Variants in NUP85 observed in about 807,000 individuals in gnomAD.
The protein encoded by NUP85 is nucleoporin 85.
NUP85 carries 23 observed loss-of-function variants against 92.8 expected under a neutral mutation model. That is an observed-to-expected ratio of 0.25 (90% CI 0.18 to 0.35). The LOEUF (loss-of-function observed/expected upper bound fraction) is 0.35, where lower values mean the gene tolerates loss of function less well. Among genes scored for constraint, NUP85 ranks in the 10% least tolerant of loss-of-function variants. The probability of loss-of-function intolerance (pLI) is 1.00; values close to 1 mark genes in which losing one functional copy is unlikely to be tolerated. For missense variants in NUP85, 759 were observed against 822.8 expected, an observed-to-expected ratio of 0.92 and a Z score of 0.95; for synonymous variants, 314 against 306.9, an observed-to-expected ratio of 1.02 and a Z score of -0.24.
intron 1 of NUP85, among the ~76,000 whole-genome samples, chr17:75,207,859 G>A (rs977905387): frequency 2.6e-5 from 4 of 151,894 alleles, no homozygotes; most frequent in Admixed American, 6.6e-5. Context: ...GTTTGGTGGC[G>A]CGTGCCTGTA....
Position 75,233,424 on chromosome 17 carries a change from T to C in NUP85, c.1615+266T>C, listed in dbSNP as rs543759482. Among the ~76,000 whole-genome samples the C allele has an allele frequency of 3.9e-3, 445 of 113,490 alleles. 2 individuals are homozygous for C. Among genetic ancestry groups the C allele is most frequent in the African/African-American group, 0.014 (419 of 29,174 alleles). 74.5% of individuals were successfully genotyped at this position (113,490 alleles called of 152,430 possible). A position where few individuals can be genotyped will look rare whatever the true frequency, so the allele number is the denominator to read the frequency against. ...CTTTCTCTTTCTTTCTTTCTTCTTTTCTTTTATTTTTTCTTTTTTTTTTTT... is the reference window on the plus strand; with the variant it reads ...CTTTCTCTTTCTTTCTTTCTTCTTTCCTTTTATTTTTTCTTTTTTTTTTTT... On this transcript the variant is annotated intron_variant, in intron 16 of 18. Coordinates refer to ENST00000245544, the MANE Select transcript of NUP85 (RefSeq NM_024844.5).
intron 5 of NUP85, among the ~76,000 whole-genome samples, chr17:75,214,578 G>T (rs1358677267): frequency 6.6e-6 from 1 of 152,222 alleles, no homozygotes; most frequent in Non-Finnish European, 1.5e-5. Context: ...ATCAAGATAG[G>T]CTGGGCGCAG....
intron 5 of NUP85, among the ~76,000 whole-genome samples, chr17:75,214,362 C>A (rs562990103): frequency 1.8e-4 from 28 of 152,268 alleles, no homozygotes; most frequent in Non-Finnish European, 3.4e-4. Flanking sequence ...CTGCGTATTC[C>A]TAAGGGCAAG....
At position 75,231,305 on chromosome 17, in the gene NUP85, G is replaced by C; in HGVS notation, c.1095-35G>C. 1.2e-6 allele frequency: 2 copies of C among 1,612,130 alleles called. No homozygotes were observed. The highest frequency in any genetic ancestry group is 1.7e-6 in the Non-Finnish European group (2 of 1,178,268). Reference sequence around the variant, plus strand: ...TCTTGTGGGACGCGGCCTGTGCCCTGATTTTCCTTCTTGCCTTGGTGTCTG... The same window carrying C: ...TCTTGTGGGACGCGGCCTGTGCCCTCATTTTCCTTCTTGCCTTGGTGTCTG... On this transcript the variant is annotated intron_variant, in intron 11 of 18. Coordinates refer to ENST00000245544, the MANE Select transcript of NUP85 (RefSeq NM_024844.5). This position sits in a 1 kb window ranked among gnomAD's most constrained non-coding sequence, Gnocchi z 4.6.
intron 7 of NUP85, 67 bp downstream of exon 7, chr17:75,218,373 T>G: frequency 6.3e-7 from 1 of 1,595,942 alleles, no homozygotes; most frequent in South Asian, 1.1e-5. Flanking sequence ...CGGGTGGGTC[T>G]GAGGACACCC....
At chr17:75,230,232 G>A (rs768383782) in intron 11 of NUP85, among the ~76,000 whole-genome samples, 6 of 151,958 alleles carry the variant, frequency 3.9e-5, no homozygotes, top group Admixed American at 1.3e-4. Flanking sequence ...TGGTGGAGAT[G>A]GGGTTTTGCC....
chr17:75,224,386 C>T (rs781593408), intron 7 of NUP85, among the ~76,000 whole-genome samples: 9 of 151,872 alleles, frequency 5.9e-5, no homozygotes, highest in Middle Eastern at 3.2e-3. Flanking sequence ...GTGAATGGGA[C>T]GATTTTGCTT....
intron 7 of NUP85, among the ~76,000 whole-genome samples, chr17:75,221,911 G>A (rs1207293200): frequency 6.6e-6 from 1 of 152,098 alleles, no homozygotes; most frequent in African/African-American, 2.4e-5. Flanking sequence ...GAGTTGATGG[G>A]GTTTGCTGAT....
chr17:75,206,890 G>A (rs1245463039), intron 1 of NUP85, among the ~76,000 whole-genome samples: 1 of 151,912 alleles, frequency 6.6e-6, no homozygotes, highest in East Asian at 1.9e-4. Context: ...TGTATTTTTA[G>A]TAGAGACGGG....
rs768497952 is a variant in NUP85, at chr17:75,218,278, C to T, written c.569C>T (p.Pro190Leu). The part of the protein sequence containing the change: ...LSADVLGSEN[P>L]SKHDSFWNLV... ...GCAGATGTTCTGGGCAGTGAGAATC[C>T]AAGCAAACATGACAGCTTCTGGAAC... The change falls in exon 7 of 19, where the codon CCA becomes CTA. Residue 190 changes from proline to leucine, a missense_variant. Transcript: ENST00000245544. 6.2e-7 allele frequency: 1 copy of T among 1,613,768 alleles called. No homozygotes were observed. The highest frequency in any genetic ancestry group is 1.7e-5 in the Admixed American group (1 of 59,976).
At chr17:75,208,934 G>C (rs1162533720) in intron 2 of NUP85, among the ~76,000 whole-genome samples, 1 of 151,884 alleles carries the variant, frequency 6.6e-6, no homozygotes, top group African/African-American at 2.4e-5. Context: ...GTAGAGATGG[G>C]AGTCTCATTT....
chr17:75,233,638 A>T (rs1157067722), intron 16 of NUP85, among the ~76,000 whole-genome samples: 1 of 150,246 alleles, frequency 6.7e-6, no homozygotes, highest in Non-Finnish European at 1.5e-5. Flanking sequence ...TCACTCTGTC[A>T]CCCGGGCTGG....
At chr17:75,234,212 C>T (rs996448518) in intron 16 of NUP85, among the ~76,000 whole-genome samples, 3 of 151,542 alleles carry the variant, frequency 2.0e-5, no homozygotes, top group South Asian at 2.1e-4. Context: ...CCACCATACC[C>T]GGCTAATTTT....
At chr17:75,208,477 C>T (rs1249918226) in intron 1 of NUP85, 50 bp from the exon 2 acceptor site, 4 of 843,662 alleles carry the variant, frequency 4.7e-6, no homozygotes, top group Non-Finnish European at 7.9e-6. Flanking sequence ...GGAACAACTT[C>T]AGTAAGAAGA....
chr17:75,211,370 A>G (rs987048066), intron 3 of NUP85, among the ~76,000 whole-genome samples: 4 of 151,554 alleles, frequency 2.6e-5, no homozygotes, highest in Admixed American at 2.6e-4. Context: ...TGTCACTTCT[A>G]GGAAAAAAAC....
intron 7 of NUP85, among the ~76,000 whole-genome samples, chr17:75,224,832 A>AG (rs1303021736): frequency 6.6e-6 from 1 of 151,504 alleles, no homozygotes; most frequent in Non-Finnish European, 1.5e-5. Context: ...AACTCTGGAA[A>AG]AAAAAAAAAA....
At chr17:75,226,839 C>T (rs2075815678) in intron 11 of NUP85, 2 of 414,226 alleles carry the variant, frequency 4.8e-6, no homozygotes, top group Non-Finnish European at 9.7e-6. Context: ...TAATGGACAC[C>T]TTATGGGATG....
Position 75,218,285 on chromosome 17 carries a change from A to G in NUP85, c.576A>G (p.Lys192=). 6.2e-7 allele frequency: 1 copy of G among 1,613,706 alleles called. No homozygotes were observed. The highest frequency in any genetic ancestry group is 8.5e-7 in the Non-Finnish European group (1 of 1,179,778). Residue 192 remains lysine (K), a synonymous_variant, in exon 7 of 19, where the codon AAA becomes AAG. Transcript: ENST00000245544. ...TTCTGGGCAGTGAGAATCCAAGCAA[A>G]CATGACAGCTTCTGGAACTTGGTAA... is the stretch of plus-strand genomic sequence containing the variant. The part of the protein sequence containing the change: ...ADVLGSENPS[K]HDSFWNLVTI...
chr17:75,212,238 T>TTTGTTGTTGTTG (rs1395059827), intron 4 of NUP85, among the ~76,000 whole-genome samples, 176 bp downstream of exon 4: 4 of 7,974 alleles, frequency 5.0e-4, no homozygotes, highest in African/African-American at 6.8e-4. Context: ...GGTTTTTTTT[T>TTTGTTGTTGTTG]TTGTTGTTGT....
Sources: gnomAD v4.1 joint callset for allele counts (sites outside exome capture counted in the v4.1 genomes callset) on GRCh38, gnomAD v4.1.1 for gene constraint, Gnocchi (gnomAD v3.1) non-coding constraint, MANE v1.5 for transcripts, NCBI Gene and HGNC (gene_info 2026-07-23, HGNC 2026-07-21) for gene names.